Variants in PSD3 observed in about 807,000 individuals in gnomAD.
The protein encoded by PSD3 is PH and SEC7 domain-containing protein 3.
In PSD3, 49 loss-of-function variants were observed where a neutral mutation model predicts 105.5. The ratio of observed to expected loss-of-function variants is 0.46; its 90% confidence interval spans 0.37 to 0.59. PSD3 has a LOEUF of 0.59. PSD3 is among the 20% of genes least tolerant of loss of function. The pLI is 0.00. For missense variants in PSD3, 1,561 were observed against 1,263.8 expected (o/e 1.24, Z -3.57); for synonymous variants, 557 against 457.8 (o/e 1.22, Z -2.77).
chr8:18,681,931 T>G (rs1347826141), intron 9 of PSD3, among the ~76,000 whole-genome samples: 2 of 151,884 alleles, frequency 1.3e-5, no homozygotes, highest in African/African-American at 4.8e-5. Flanking sequence ...TAAGGTATCA[T>G]GTGATGGCCT....
intron 4 of PSD3, among the ~76,000 whole-genome samples, chr8:18,848,482 G>A (rs1815290087): frequency 6.6e-6 from 1 of 152,172 alleles, no homozygotes; most frequent in African/African-American, 2.4e-5. Context: ...GCTGACTCAG[G>A]AAATGGCCAC....
At chr8:18,900,371 T>A (rs570715127) in intron 2 of PSD3, among the ~76,000 whole-genome samples, 1 of 152,208 alleles carries the variant, frequency 6.6e-6, no homozygotes, top group Non-Finnish European at 1.5e-5. Context: ...GGAGCTGCAG[T>A]GACAACAAAT....
intron 1 of PSD3, among the ~76,000 whole-genome samples, chr8:19,077,222 T>C (rs1023882562): frequency 1.3e-5 from 2 of 152,194 alleles, no homozygotes; most frequent in African/African-American, 2.4e-5. Context: ...GCCAAGCTCC[T>C]TGCAGATAAA....
intron 10 of PSD3, among the ~76,000 whole-genome samples, chr8:18,637,072 T>A (rs1807305505): frequency 6.6e-6 from 1 of 152,196 alleles, no homozygotes; most frequent in Non-Finnish European, 1.5e-5. Context: ...GCTTTCACGA[T>A]CTGCAATATA....
In PSD3 at chr8:18,531,593, G is replaced by A. The variant is rs1044054720; in HGVS notation, c.*4150C>T. On this transcript the variant is annotated 3_prime_UTR_variant, in exon 16 of 16. Coordinates refer to ENST00000327040, the MANE Select transcript of PSD3 (RefSeq NM_015310.4). ...GTGGCAGAGCAGTGGCATGGCCTGG[G>A]AGACAAGATGGCCAGAAAGCTGTGG... The A allele has an allele frequency of 1.3e-5, 2 of 152,346 alleles. No homozygotes were observed. The highest frequency in any genetic ancestry group is 2.9e-5 in the Non-Finnish European group (2 of 68,116). 9.4% of individuals were successfully genotyped at this position (152,346 alleles called of 1,614,324 possible).
chr8:18,674,128 A>G (rs1585579805), intron 9 of PSD3, among the ~76,000 whole-genome samples: 1 of 152,078 alleles, frequency 6.6e-6, no homozygotes, highest in East Asian at 1.9e-4. Flanking sequence ...ACTGGATGAA[A>G]GAGTGAAACT....
At chr8:19,032,492 TAAATA>T (rs1490456076) in intron 1 of PSD3, among the ~76,000 whole-genome samples, 1 of 151,326 alleles carries the variant, frequency 6.6e-6, no homozygotes, top group African/African-American at 2.4e-5. Flanking sequence ...CTACAGAAAA[TAAATA>T]AAATTAGCCA....
chr8:18,696,023 C>A (rs770337853), intron 9 of PSD3, among the ~76,000 whole-genome samples: 1 of 152,174 alleles, frequency 6.6e-6, no homozygotes, highest in Non-Finnish European at 1.5e-5. Flanking sequence ...GCACATCCAG[C>A]GTCACCTGGC....
rs1198366896 is a variant in PSD3 at position 18,530,505 on chromosome 8, C to G, written c.*5238G>C. Reference sequence around the variant, plus strand: ...GGTTTGATCTCCCGTAAAACATACACAAATACATAAATGATATGGTGGGTA... The same window carrying G: ...GGTTTGATCTCCCGTAAAACATACAGAAATACATAAATGATATGGTGGGTA... On this transcript the variant is annotated 3_prime_UTR_variant, in exon 16 of 16. Transcript: ENST00000327040. 1.3e-5 allele frequency: 2 copies of G among 152,602 alleles called. No homozygotes were observed. The highest frequency in any genetic ancestry group is 2.9e-5 in the Non-Finnish European group (2 of 68,042). The allele number at this position is 152,602 out of a possible 1,614,324, so 9.5% of individuals were successfully genotyped here.
intron 8 of PSD3, among the ~76,000 whole-genome samples, chr8:18,789,855 A>G (rs1809529832): frequency 6.6e-6 from 1 of 152,202 alleles, no homozygotes; most frequent in African/African-American, 2.4e-5. Flanking sequence ...AAACTGACTT[A>G]GAATTTGACC....
At chr8:19,000,305 G>A (rs1430376263) in intron 1 of PSD3, among the ~76,000 whole-genome samples, 3 of 151,142 alleles carry the variant, frequency 2.0e-5, no homozygotes, top group Non-Finnish European at 4.4e-5. Flanking sequence ...GCTGAGGTGG[G>A]AGGATAACTT....
At chr8:18,774,969 T>A (rs989471622) in intron 8 of PSD3, 3 of 456,120 alleles carry the variant, frequency 6.6e-6, no homozygotes, top group African/African-American at 6.0e-5. Context: ...AAGAGAAAAG[T>A]GCCCATTAAT....
At chr8:18,910,637 TAAAAAAAAAAA>T (rs34392783) in intron 2 of PSD3, among the ~76,000 whole-genome samples, 1 of 97,114 alleles carries the variant, frequency 1.0e-5, no homozygotes, top group Non-Finnish European at 2.1e-5. Flanking sequence ...TAGAGTATAA[TAAAAAAAAAAA>T]AAAAAAAAAA....
chr8:18,768,116 CAAAAAAAAAA>C (rs774203727), intron 8 of PSD3, among the ~76,000 whole-genome samples: 6 of 97,346 alleles, frequency 6.2e-5, no homozygotes, highest in African/African-American at 2.5e-4. Flanking sequence ...ACTGAAAATA[CAAAAAAAAAA>C]AAAAAAAAAA....
At chr8:18,735,964 C>A (rs1312484923) in intron 9 of PSD3, among the ~76,000 whole-genome samples, 1 of 152,116 alleles carries the variant, frequency 6.6e-6, no homozygotes, top group Non-Finnish European at 1.5e-5. Context: ...TTTTATGGAT[C>A]TAACTATAAA....
intron 8 of PSD3, among the ~76,000 whole-genome samples, chr8:18,790,689 T>C (rs1563271686): frequency 2.0e-5 from 3 of 151,694 alleles, no homozygotes; most frequent in South Asian, 2.1e-4. Flanking sequence ...AGAAAGAGTA[T>C]TGGTGAAAAT....
intron 14 of PSD3, among the ~76,000 whole-genome samples, chr8:18,563,427 G>A (rs1394481523): frequency 6.6e-6 from 1 of 152,058 alleles, no homozygotes; most frequent in African/African-American, 2.4e-5. Context: ...TGATTTTCAG[G>A]GTAATCATGT....
intron 1 of PSD3, 56 bp from the exon 2 acceptor site, chr8:18,936,198 T>C (rs966247221): frequency 8.8e-7 from 1 of 1,135,776 alleles, no homozygotes. Flanking sequence ...AAAAAACACA[T>C]CATAAAACAA....
At chr8:18,742,044 G>A (rs548520748) in intron 9 of PSD3, among the ~76,000 whole-genome samples, 3 of 152,122 alleles carry the variant, frequency 2.0e-5, no homozygotes, top group East Asian at 1.9e-4. Flanking sequence ...TAATGCTTTC[G>A]ACATTTTCAT....
Sources: gnomAD v4.1 joint callset for allele counts (sites outside exome capture counted in the v4.1 genomes callset) on GRCh38, gnomAD v4.1.1 for gene constraint, MANE v1.5 for transcripts, NCBI Gene and HGNC (gene_info 2026-07-23, HGNC 2026-07-21) for gene names.